DCAF8L2: variants seen among roughly 807,000 people sequenced by gnomAD.
The protein encoded by DCAF8L2 is DDB1 and CUL4 associated factor 8 like 2.
For synonymous variants in DCAF8L2, 200 were observed against 190.9 expected (o/e 1.05, Z -0.39); for missense variants, 430 against 490.7 (o/e 0.88, Z 1.17).
At chrX:27,663,879 T>C (rs1173266870) in intron 2 of DCAF8L2, among the ~76,000 whole-genome samples, 1 of 100,490 alleles carries the variant, frequency 1.0e-5, no homozygotes, top group Non-Finnish European at 2.0e-5. Flanking sequence ...TTTTTTTTTT[T>C]TTTTTTTTTA....
chrX:27,658,915 G>A (rs745580362), intron 2 of DCAF8L2, among the ~76,000 whole-genome samples: 10 of 111,854 alleles, frequency 8.9e-5, no homozygotes, highest in African/African-American at 2.9e-4. Flanking sequence ...TTCCTCAACC[G>A]TCATTAACTG....
At chrX:27,728,043 T>G (rs1920989743) in intron 4 of DCAF8L2, among the ~76,000 whole-genome samples, 1 of 111,638 alleles carries the variant, frequency 9.0e-6, no homozygotes, top group Non-Finnish European at 1.9e-5. Context: ...CTGAGAACAT[T>G]ACATTTCAAC....
intron 3 of DCAF8L2, among the ~76,000 whole-genome samples, chrX:27,706,772 C>T (rs1267790825): frequency 9.0e-6 from 1 of 111,670 alleles, no homozygotes; most frequent in Non-Finnish European, 1.9e-5. Context: ...AGCAATTCCA[C>T]CCTTATTTAT....
the DCAF8L2 span, among the ~76,000 whole-genome samples, chrX:27,547,842 TCTTTC>T: frequency 5.1e-4 from 45 of 88,126 alleles, no homozygotes; most frequent in Middle Eastern, 6.2e-3. Flanking sequence ...TCTCTCTCTC[TCTTTC>T]TCTCTCTCTC....
chrX:27,541,008 A>G, the DCAF8L2 span, among the ~76,000 whole-genome samples: 1 of 112,077 alleles, frequency 8.9e-6, no homozygotes, highest in South Asian at 3.7e-4. Context: ...AAACCAAAAT[A>G]TTTCATCCCA....
intron 2 of DCAF8L2, among the ~76,000 whole-genome samples, chrX:27,658,971 C>A (rs1420705000): frequency 8.9e-6 from 1 of 111,855 alleles, no homozygotes; most frequent in Non-Finnish European, 1.9e-5. Context: ...TTTAATAATT[C>A]TCGCCCCCAC....
the DCAF8L2 span, among the ~76,000 whole-genome samples, chrX:27,493,144 G>A: frequency 9.0e-6 from 1 of 111,350 alleles, no homozygotes; most frequent in African/African-American, 3.3e-5. Context: ...GGGAGGCTGA[G>A]GTGGGAGGAT....
At chrX:27,642,271 C>G (rs1318062087) in intron 2 of DCAF8L2, among the ~76,000 whole-genome samples, 1 of 111,222 alleles carries the variant, frequency 9.0e-6, no homozygotes, top group African/African-American at 3.3e-5. Context: ...TTTTGACTTT[C>G]TTATGCAGGA....
At chrX:27,690,800 A>G (rs1292688852) in intron 3 of DCAF8L2, among the ~76,000 whole-genome samples, 1 of 111,301 alleles carries the variant, frequency 9.0e-6, no homozygotes, top group Non-Finnish European at 1.9e-5. Flanking sequence ...TTTAGTAGTC[A>G]CTCTGGTATA....
chrX:27,684,136 A>G (rs1930419191), intron 3 of DCAF8L2, among the ~76,000 whole-genome samples: 1 of 112,190 alleles, frequency 8.9e-6, no homozygotes, highest in African/African-American at 3.2e-5. Context: ...AGTGAGAGGT[A>G]TCCAAAGAAG....
chrX:27,547,891 T>C, the DCAF8L2 span, among the ~76,000 whole-genome samples: 919 of 56,796 alleles, frequency 0.016, 49 homozygotes, highest in African/African-American at 0.03. Flanking sequence ...CTCTCTCTCT[T>C]TCTCTCTCTC....
intron 2 of DCAF8L2, among the ~76,000 whole-genome samples, chrX:27,641,528 A>G (rs1194298045): frequency 1.9e-5 from 2 of 103,917 alleles, no homozygotes; most frequent in Admixed American, 1.1e-4. Context: ...GCTGGAGTGC[A>G]ATGGTTGATC....
intron 3 of DCAF8L2, among the ~76,000 whole-genome samples, chrX:27,687,140 T>C (rs1930540212): frequency 2.7e-5 from 3 of 112,042 alleles, no homozygotes; most frequent in African/African-American, 9.7e-5. Context: ...ACTTGATCAT[T>C]ACACAGTCTA....
chrX:27,471,989 T>C, the DCAF8L2 span, among the ~76,000 whole-genome samples: 1 of 111,929 alleles, frequency 8.9e-6, no homozygotes, highest in African/African-American at 3.2e-5. Flanking sequence ...TTTTTCACGT[T>C]CTTTCCTAAA....
At position 27,727,479 on chromosome X, in the gene DCAF8L2, G is replaced by A. The variant is rs146512409; in HGVS notation, c.-59+11308G>A. ...CATTTGAATGTCCTTATGTGTGTGG[G>A]CATGCTTCTGGATTCTGTTTTATTT... On this transcript the variant is annotated intron_variant, in intron 4 of 4. Coordinates refer to ENST00000451261, the MANE Select transcript of DCAF8L2 (RefSeq NM_001353450.2). Among the ~76,000 whole-genome samples, 418 of 111,034 alleles carry A rather than the reference G, an allele frequency of 3.8e-3. 4 individuals are homozygous for A. The highest frequency in any genetic ancestry group is 0.013 in the African/African-American group (401 of 30,618).
chrX:27,723,198 T>A (rs1238444752), intron 4 of DCAF8L2, among the ~76,000 whole-genome samples: 2 of 110,153 alleles, frequency 1.8e-5, no homozygotes, highest in African/African-American at 6.6e-5. Context: ...ATAAAATTTA[T>A]AAATAACCAA....
At chrX:27,672,912 G>A (rs1425250438) in intron 2 of DCAF8L2, among the ~76,000 whole-genome samples, 2 of 111,134 alleles carry the variant, frequency 1.8e-5, no homozygotes, top group Non-Finnish European at 3.8e-5. Context: ...GCCAGCAACT[G>A]CTGCTATACT....
intron 2 of DCAF8L2, among the ~76,000 whole-genome samples, chrX:27,634,263 A>C (rs1473434561): frequency 3.6e-5 from 4 of 111,834 alleles, no homozygotes; most frequent in Non-Finnish European, 7.5e-5. Flanking sequence ...AGTAGTCTGG[A>C]TATAACCTGT....
At chrX:27,550,854 C>T in the DCAF8L2 span, among the ~76,000 whole-genome samples, 2 of 110,939 alleles carry the variant, frequency 1.8e-5, no homozygotes, top group Admixed American at 9.7e-5. Context: ...TTTGGGGCAA[C>T]TCTGCATTGA....
Sources: allele counts gnomAD v4.1 joint callset (sites outside exome capture counted in the v4.1 genomes callset), GRCh38; gene constraint gnomAD v4.1.1; transcripts MANE v1.5; gene names NCBI Gene and HGNC (gene_info 2026-07-23, HGNC 2026-07-21).